Variants in COL7A1 observed in about 807,000 individuals in gnomAD.
COL7A1 encodes the protein collagen alpha-1(VII) chain.
In COL7A1, 296 loss-of-function variants were observed where a neutral mutation model predicts 456.2. The ratio of observed to expected loss-of-function variants is 0.65; its 90% CI spans 0.59 to 0.71. COL7A1 has a LOEUF of 0.71. Among genes scored for constraint, COL7A1 ranks in the 30% least tolerant of loss-of-function variants. COL7A1 has a pLI of 0.00. For missense variants in COL7A1, 3,441 were observed against 4,017.2 expected (o/e 0.86, Z 3.88); for synonymous variants, 1,464 against 1,525.9 (o/e 0.96, Z 0.95).
At position 48,564,818 on chromosome 3, in the gene COL7A1, C is replaced by G. The variant is rs758740269; in HGVS notation, c.8783G>C (p.Arg2928Pro). ...GCTCTGGACCACCCGGGGTGGGCAG[C>G]GGCGCTCGCAGGCCTCACGGGTCCC... ...RFGTREACER[R>P]CPPRVVQSQG... The change falls in exon 118 of 119, where the codon CGC becomes CCC. Residue 2928 changes from arginine to proline, a missense_variant. This residue lies in a region of COL7A1 where 2,084 missense variants were observed against 2,501.3 expected (regional missense o/e 0.83). Coordinates refer to ENST00000681320, the MANE Select transcript of COL7A1 (RefSeq NM_000094.4). This position sits in a 1 kb window ranked among gnomAD's most constrained non-coding sequence, Gnocchi z 6.0. 6.2e-7 allele frequency: 1 copy of G among 1,613,916 alleles called. No individual in the cohort carries two copies. Among genetic ancestry groups the G allele is most frequent in the South Asian group, 1.1e-5 (1 of 91,082 alleles).
Position 48,586,920 on chromosome 3 carries a change from C to T in COL7A1, c.3276+52G>A. 6.4e-7 allele frequency: 1 copy of T among 1,559,306 alleles called. No individual in the cohort carries two copies. Among genetic ancestry groups the T allele is most frequent in the South Asian group, 1.2e-5 (1 of 84,684 alleles). On this transcript the variant is annotated intron_variant, in intron 25 of 118. Transcript: ENST00000681320. This position sits in a 1 kb window ranked among gnomAD's most constrained non-coding sequence, Gnocchi z 5.1. ...CAGGAGATGGTAACTGGTATGGAGC[C>T]TGGGTGGGGGGCCTCAGGGAGAGGT...
rs746419679 is a variant in COL7A1, at chr3:48,578,277, C to T, written c.5532+44G>A. On this transcript the variant is annotated intron_variant, in intron 65 of 118. Coordinates refer to ENST00000681320, the MANE Select transcript of COL7A1 (RefSeq NM_000094.4). The surrounding 1 kb of genome is among the most constrained non-coding windows in gnomAD (Gnocchi z 4.7). The stretch of plus-strand genomic sequence containing the variant: ...GATCTTGGCTGTGTAGGTGTGCTGG[C>T]GTTTCTTGGCAGGTTTCGCCGCAGC... 6.8e-6 allele frequency: 11 copies of T among 1,611,078 alleles called. No homozygotes were observed. The highest frequency in any genetic ancestry group is 4.4e-5 in the South Asian group (4 of 90,908).
chr3:48,579,554 C>A lies in COL7A1; in HGVS notation c.5235+34G>T. 6.2e-7 allele frequency: 1 copy of A among 1,613,860 alleles called. No individual in the cohort carries two copies. Among genetic ancestry groups the A allele is most frequent in the Non-Finnish European group, 8.5e-7 (1 of 1,179,986 alleles). The stretch of plus-strand genomic sequence containing the variant: ...AGGAAGAAATCAGAGCAGGCCCTCC[C>A]ATGCCTGCACCCCCGAGGACCAATC... On this transcript the variant is annotated intron_variant, in intron 59 of 118. Coordinates refer to ENST00000681320, the MANE Select transcript of COL7A1 (RefSeq NM_000094.4). This position sits in a 1 kb window ranked among gnomAD's most constrained non-coding sequence, Gnocchi z 4.4.
In COL7A1 at chr3:48,594,253, C is replaced by T; in HGVS notation, c.266+115G>A. ...TCCTGGCTAGGGGGTCTCTAGGTTC[C>T]CCAAAACTTGTTTCTGCAAAGACCT... On this transcript the variant is annotated intron_variant, in intron 3 of 118. Transcript: ENST00000681320. This position sits in a 1 kb window ranked among gnomAD's most constrained non-coding sequence, Gnocchi z 5.5. 1 of 1,295,590 alleles carries T rather than the reference C, an allele frequency of 7.7e-7. No homozygotes were observed. The highest frequency in any genetic ancestry group is 1.9e-5 in the Admixed American group (1 of 53,214). 80.3% of individuals were successfully genotyped at this position (1,295,590 alleles called of 1,614,324 possible). A position where few individuals can be genotyped will look rare whatever the true frequency, so the allele number is the denominator to read the frequency against.
Position 48,590,472 on chromosome 3 carries a change from C to G in COL7A1, c.1893G>C (p.Trp631Cys). 1 of 1,614,140 alleles carries G rather than the reference C, an allele frequency of 6.2e-7. No homozygotes were observed. The highest frequency in any genetic ancestry group is 8.5e-7 in the Non-Finnish European group (1 of 1,180,018). ...CCCCACACTGACCACTGCCTGTGCT[C>G]CAGCTAATCCGAAATCCACTGGCTC... ...VPGASGFRIS[W>C]STGSGPESSQ... is the part of the protein sequence containing the mutation. Residue 631 changes from tryptophan to cysteine, a missense_variant, in exon 15 of 119, where the codon TGG becomes TGC. By Grantham distance (215) the Trp-to-Cys change is radical. This residue lies in a region of COL7A1 where 913 missense variants were observed against 1,088.2 expected (regional missense o/e 0.84). Transcript: ENST00000681320. This position sits in a 1 kb window ranked among gnomAD's most constrained non-coding sequence, Gnocchi z 4.6.
Position 48,566,196 on chromosome 3 carries a change from T to C in COL7A1, c.8407+71A>G, listed in dbSNP as rs2043596672. 4 of 1,520,682 alleles carry C rather than the reference T, an allele frequency of 2.6e-6. No homozygotes were observed. Among genetic ancestry groups the C allele is most frequent in the Non-Finnish European group, 3.6e-6 (4 of 1,116,602 alleles). The allele number at this position is 1,520,682 out of a possible 1,614,324, so 94.2% of individuals were successfully genotyped here. ...CTTCTTGACTGCTTGCCCTGTAAGT[T>C]CTAGGGGCCTGCCTGCCCTTGCCTA... On this transcript the variant is annotated intron_variant, in intron 114 of 118. Transcript: ENST00000681320. This position sits in a 1 kb window ranked among gnomAD's most constrained non-coding sequence, Gnocchi z 5.9.
Position 48,569,378 on chromosome 3 carries a change from G to A in COL7A1, c.7683C>T (p.Asp2561=). Residue 2561 remains aspartate (D), a synonymous_variant, in exon 103 of 119, where the codon GAC becomes GAT. Transcript: ENST00000681320. This position sits in a 1 kb window ranked among gnomAD's most constrained non-coding sequence, Gnocchi z 4.9. ...TACACCACCCTCTTCCCTGTACCTT[G>A]TCACCAGGGTCCCCATTGTCTCCCC... ...GPRGDNGDPG[D]KGSKGEPGDK... 2 of 1,613,998 alleles carry A rather than the reference G, an allele frequency of 1.2e-6. No homozygotes were observed. Among genetic ancestry groups the A allele is most frequent in the Non-Finnish European group, 1.7e-6 (2 of 1,179,964 alleles).
chr3:48,584,232 G>A (rs1483428862), intron 37 of COL7A1, 66 bp downstream of exon 37: 26 of 1,542,240 alleles, frequency 1.7e-5, no homozygotes, highest in Non-Finnish European at 2.2e-5. Context: ...GTAACTGGCA[G>A]GGGTTATGTG....
Position 48,592,482 on chromosome 3 carries a change from C to T in COL7A1, c.977-15G>A. On this transcript the variant is annotated splice_polypyrimidine_tract_variant and intron_variant, in intron 8 of 118. Transcript: ENST00000681320. This position sits in a 1 kb window ranked among gnomAD's most constrained non-coding sequence, Gnocchi z 7.6. ...TTCTAGGGCAGCTGGGGGAGAGTCC[C>T]ACCAGGGATTCATGGAGTCAGAAGT... 6.2e-7 allele frequency: 1 copy of T among 1,613,256 alleles called. No individual in the cohort carries two copies. Among genetic ancestry groups the T allele is most frequent in the Non-Finnish European group, 8.5e-7 (1 of 1,179,898 alleles).
In COL7A1 at chr3:48,590,773, G is replaced by T. The variant is rs780823886; in HGVS notation, c.1680C>A (p.Phe560Leu). 6.2e-7 allele frequency: 1 copy of T among 1,613,924 alleles called. No individual in the cohort carries two copies. Among genetic ancestry groups the T allele is most frequent in the Middle Eastern group, 1.6e-4 (1 of 6,062 alleles). Residue 560 changes from phenylalanine to leucine, a missense_variant, in exon 14 of 119, where the codon TTC (phenylalanine) becomes TTA (leucine). This residue lies in a region of COL7A1 where 913 missense variants were observed against 1,088.2 expected (regional missense o/e 0.84). Transcript: ENST00000681320. This position sits in a 1 kb window ranked among gnomAD's most constrained non-coding sequence, Gnocchi z 4.6. ...GCCCAGCCTGAACGTCATCCAAGTC[G>T]AATGCTGTCTGACTCCCAGGAAGCA... ...TLVLPGSQTAFDLDDVQAGLS... is the reference protein window; with the variant it reads ...TLVLPGSQTALDLDDVQAGLS...
chr3:48,566,821 T>C lies in COL7A1; in HGVS notation c.8227-84A>G, dbSNP rs1386603000. The C allele has an allele frequency of 1.3e-6, 2 of 1,586,580 alleles. No homozygotes were observed. The highest frequency in any genetic ancestry group is 1.7e-5 in the Admixed American group (1 of 59,066). On this transcript the variant is annotated intron_variant, in intron 111 of 118. Transcript: ENST00000681320. The surrounding 1 kb of genome is among the most constrained non-coding windows in gnomAD (Gnocchi z 5.9). Reference sequence around the variant, plus strand: ...AGGTTGGGGGCCACAGCTTCAGAGGTTGGGGCAGGCAGGCTGGAAGATGGT... The same window carrying C: ...AGGTTGGGGGCCACAGCTTCAGAGGCTGGGGCAGGCAGGCTGGAAGATGGT...
At chr3:48,577,105 T>C (rs2044365351) in intron 65 of COL7A1, 78 bp from the exon 66 acceptor site, 1 of 1,568,450 alleles carries the variant, frequency 6.4e-7, no homozygotes, top group South Asian at 1.1e-5. Flanking sequence ...AGATTTCAGA[T>C]GACTGTGACT....
chr3:48,575,952 C>A lies in COL7A1; in HGVS notation c.5821-50G>T. ...GCTGCCCATGACAGAGAAGCTCCTG[C>A]CTTCTGCCCCGCACGGCCTCAGGAA... On this transcript the variant is annotated intron_variant, in intron 71 of 118. Transcript: ENST00000681320. The surrounding 1 kb of genome is among the most constrained non-coding windows in gnomAD (Gnocchi z 6.3). 2 of 1,613,864 alleles carry A rather than the reference C, an allele frequency of 1.2e-6. No individual in the cohort carries two copies. The highest frequency in any genetic ancestry group is 1.7e-5 in the Admixed American group (1 of 60,030).
rs121912830 is a variant in COL7A1 at position 48,592,613 on chromosome 3, G to A, written c.933C>T (p.Tyr311=). The A allele has an allele frequency of 1.2e-4, 193 of 1,614,062 alleles. No individual in the cohort carries two copies. The African/African-American group carries it at 1.7e-3, about 15-fold the overall frequency. The change falls in exon 8 of 119, where the codon TAC becomes TAT. Residue 311 remains tyrosine (Y), a synonymous_variant. Coordinates refer to ENST00000681320, the MANE Select transcript of COL7A1 (RefSeq NM_000094.4). This position sits in a 1 kb window ranked among gnomAD's most constrained non-coding sequence, Gnocchi z 7.6. ...TEYQVTVIAL[Y]ANSIGEAVSG... is the part of the protein sequence containing the mutation. ...TCACAGCCTCCCCGATGCTGTTGGC[G>A]TAGAGGGCAATCACAGTCACTTGGT... is the stretch of plus-strand genomic sequence containing the variant.
rs892333056 is a variant in COL7A1, at chr3:48,579,141, T to C, written c.5388+56A>G. On this transcript the variant is annotated intron_variant, in intron 62 of 118. Transcript: ENST00000681320. This position sits in a 1 kb window ranked among gnomAD's most constrained non-coding sequence, Gnocchi z 4.4. Reference sequence around the variant, plus strand: ...CAACCAATGAGGCTGGGGTCTAGGGTCCTCATGTGAAGGGGTAGGGGAAGG... The same window carrying C: ...CAACCAATGAGGCTGGGGTCTAGGGCCCTCATGTGAAGGGGTAGGGGAAGG... 3.8e-6 allele frequency: 6 copies of C among 1,592,642 alleles called. No individual in the cohort carries two copies. In the African/African-American group the frequency reaches 6.7e-5, roughly 18 times the overall value.
rs774717045 is a variant in COL7A1 at position 48,580,694 on chromosome 3, T to G, written c.4981-42A>C. The stretch of plus-strand genomic sequence containing the variant: ...GCCTGAGACAGACCCTCCCAATATT[T>G]TGCAGGTGCCCCTATGACCCGCTAC... On this transcript the variant is annotated intron_variant, in intron 54 of 118. Coordinates refer to ENST00000681320, the MANE Select transcript of COL7A1 (RefSeq NM_000094.4). The surrounding 1 kb of genome is among the most constrained non-coding windows in gnomAD (Gnocchi z 4.5). 6.2e-7 allele frequency: 1 copy of G among 1,608,940 alleles called. No individual in the cohort carries two copies. Among genetic ancestry groups the G allele is most frequent in the African/African-American group, 1.3e-5 (1 of 74,786 alleles).
rs190139528 is a variant in COL7A1, at chr3:48,564,185, C to T, written c.*221G>A. On this transcript the variant is annotated 3_prime_UTR_variant, in exon 119 of 119. Transcript: ENST00000681320. The surrounding 1 kb of genome is among the most constrained non-coding windows in gnomAD (Gnocchi z 6.0). ...ACATCCGCTCACTGCCCACAGCCAC[C>T]CCCCCACAGTGAGTCATCTGCCAGG... The T allele has an allele frequency of 1.6e-6, 1 of 634,890 alleles. No homozygotes were observed. Among genetic ancestry groups the T allele is most frequent in the Non-Finnish European group, 2.9e-6 (1 of 349,570 alleles). 39.3% of individuals were successfully genotyped at this position (634,890 alleles called of 1,614,324 possible). A position where few individuals can be genotyped will look rare whatever the true frequency, so the allele number is the denominator to read the frequency against.
Position 48,595,000 on chromosome 3 carries a change from G to T in COL7A1, c.85+75C>A. ...GGCTGGGTTGTGGGCGGGGGGTGTTGGGGATGAAGGCCGAGTGGAGCGGAG... is the reference window on the plus strand; with the variant it reads ...GGCTGGGTTGTGGGCGGGGGGTGTTTGGGATGAAGGCCGAGTGGAGCGGAG... On this transcript the variant is annotated intron_variant, in intron 2 of 118. Transcript: ENST00000681320. This position sits in a 1 kb window ranked among gnomAD's most constrained non-coding sequence, Gnocchi z 5.5. The T allele has an allele frequency of 8.1e-7, 1 of 1,240,700 alleles. No individual in the cohort carries two copies. The highest frequency in any genetic ancestry group is 1.1e-6 in the Non-Finnish European group (1 of 878,444). 76.9% of individuals were successfully genotyped at this position (1,240,700 alleles called of 1,614,324 possible). A position where few individuals can be genotyped will look rare whatever the true frequency, so the allele number is the denominator to read the frequency against.
At chr3:48,582,400 C>T (rs751041471) in intron 46 of COL7A1, 42 bp from the exon 47 acceptor site, 10 of 1,614,074 alleles carry the variant, frequency 6.2e-6, no homozygotes, top group Non-Finnish European at 6.8e-6. Context: ...CAGGGAGTCA[C>T]CTAGGAGCCC....
Sources: gnomAD v4.1 joint callset for allele counts on GRCh38, gnomAD v4.1.1 for gene constraint, gnomAD v4.1.1 regional missense constraint, Gnocchi (gnomAD v3.1) non-coding constraint, MANE v1.5 for transcripts, NCBI Gene and HGNC (gene_info 2026-07-23, HGNC 2026-07-21) for gene names.